The following FAM135B variants were observed in gnomAD, a reference collection of about 807,000 sequenced individuals.
FAM135B encodes protein FAM135B.
Under a neutral mutation model 127.7 loss-of-function variants are expected in FAM135B, and 43 were observed. The ratio of observed to expected loss-of-function variants is 0.34; its 90% CI spans 0.26 to 0.43. The LOEUF is 0.43. FAM135B is among the 20% of genes least tolerant of loss of function. The pLI is 1.00. For missense variants in FAM135B, 1,558 were observed against 1,725.6 expected (o/e 0.90, Z 1.72); for synonymous variants, 670 against 665.1 (o/e 1.01, Z -0.11).
intron 3 of FAM135B, among the ~76,000 whole-genome samples, chr8:138,266,873 A>G (rs1362883743): frequency 6.7e-6 from 1 of 149,992 alleles, no homozygotes; most frequent in Non-Finnish European, 1.5e-5. Context: ...GTATAAGGCA[A>G]TGATTACCTA....
At chr8:138,145,867 G>T in intron 15 of FAM135B, 92 bp downstream of exon 15, 2 of 718,438 alleles carry the variant, frequency 2.8e-6, no homozygotes, top group Non-Finnish European at 2.5e-6. Flanking sequence ...CCTCCTATCT[G>T]TGTGTGTCCA....
rs1320446938 is a variant in FAM135B at position 138,426,098 on chromosome 8, TTA to T, written c.-19-58098_-19-58097del. 4.1e-4 allele frequency among the ~76,000 whole-genome samples: 53 copies of T among 128,660 alleles called. 4 individuals carry two copies. The highest frequency in any genetic ancestry group is 3.7e-3 in the Middle Eastern group (1 of 268). The allele number at this position is 128,660 out of a possible 152,430, so 84.4% of individuals were successfully genotyped here. Reference sequence around the variant, plus strand: ...ATATATAAAATGTTTTATGTATGTTTTATATATATATATACACATATGTGTGT... The same window carrying T: ...ATATATAAAATGTTTTATGTATGTTTTATATATATATACACATATGTGTGT... On this transcript the variant is annotated intron_variant, in intron 1 of 19. Coordinates refer to ENST00000395297, the MANE Select transcript of FAM135B (RefSeq NM_015912.4).
intron 17 of FAM135B, among the ~76,000 whole-genome samples, chr8:138,139,312 C>T (rs936648188): frequency 6.6e-6 from 1 of 152,152 alleles, no homozygotes; most frequent in African/African-American, 2.4e-5. Context: ...AAAATGATGA[C>T]AGGACAACAG....
Position 138,287,939 on chromosome 8 carries a change from G to T in FAM135B, c.158-22097C>A, listed in dbSNP as rs552004391. ...TGGTTTCTTTAGGTCTTGGATTCCGGTAATAATCCATTATGTCTTTAGCCT... is the reference window on the plus strand; with the variant it reads ...TGGTTTCTTTAGGTCTTGGATTCCGTTAATAATCCATTATGTCTTTAGCCT... On this transcript the variant is annotated intron_variant, in intron 3 of 19. Transcript: ENST00000395297. 1.8e-4 allele frequency among the ~76,000 whole-genome samples: 28 copies of T among 152,318 alleles called. 1 individual carries two copies. Among genetic ancestry groups the T allele is most frequent in the Admixed American group, 1.3e-3 (20 of 15,292 alleles).
At chr8:138,429,903 T>C (rs190793146) in intron 1 of FAM135B, among the ~76,000 whole-genome samples, 34 of 152,268 alleles carry the variant, frequency 2.2e-4, no homozygotes, top group Non-Finnish European at 4.9e-4. Flanking sequence ...CCTGAGAAGA[T>C]AAATTCTAGG....
intron 1 of FAM135B, chr8:138,459,675 C>T (rs1837011508): frequency 1.3e-5 from 2 of 152,208 alleles, no homozygotes; most frequent in South Asian, 4.1e-4. Flanking sequence ...TGACTCAGAT[C>T]TGGACTGAGG....
chr8:138,308,482 A>G (rs562430985), intron 3 of FAM135B, among the ~76,000 whole-genome samples: 2 of 152,214 alleles, frequency 1.3e-5, no homozygotes, highest in African/African-American at 4.8e-5. Flanking sequence ...AATTCTGCAC[A>G]TCCCTCACCT....
intron 1 of FAM135B, among the ~76,000 whole-genome samples, chr8:138,451,925 A>C (rs1189819432): frequency 1.3e-5 from 2 of 152,182 alleles, no homozygotes; most frequent in Non-Finnish European, 2.9e-5. Context: ...TATTAGAAAA[A>C]TGATGGCTGA....
At chr8:138,200,120 T>A (rs1406144077) in intron 7 of FAM135B, among the ~76,000 whole-genome samples, 1 of 152,206 alleles carries the variant, frequency 6.6e-6, no homozygotes, top group Non-Finnish European at 1.5e-5. Context: ...GAAGAGACCC[T>A]CTGTAGAACT....
chr8:138,361,790 C>T lies in FAM135B; in HGVS notation c.77+6117G>A, dbSNP rs148768007. 5.3e-3 allele frequency among the ~76,000 whole-genome samples: 812 copies of T among 152,234 alleles called. 6 individuals are homozygous for T. The highest frequency in any genetic ancestry group is 7.5e-3 in the Non-Finnish European group (508 of 68,018). On this transcript the variant is annotated intron_variant, in intron 2 of 19. Transcript: ENST00000395297. ...GCATTCTGATATCCAGGTCCCTTGTCGGGCTGACCCACATCCATCCTTAAA... is the reference window on the plus strand; with the variant it reads ...GCATTCTGATATCCAGGTCCCTTGTTGGGCTGACCCACATCCATCCTTAAA...
At chr8:138,228,249 A>G (rs1413691143) in intron 7 of FAM135B, among the ~76,000 whole-genome samples, 1 of 145,200 alleles carries the variant, frequency 6.9e-6, no homozygotes, top group African/African-American at 2.5e-5. Context: ...TCATGGGGTA[A>G]TATTTTTTTT....
chr8:138,348,125 C>CT (rs1829534421), intron 2 of FAM135B, among the ~76,000 whole-genome samples: 1 of 69,068 alleles, frequency 1.4e-5, no homozygotes, highest in African/African-American at 5.9e-5. Context: ...CTTTTTCCTC[C>CT]TCTTTTTTTT....
At chr8:138,411,875 C>T (rs1302894379) in intron 1 of FAM135B, among the ~76,000 whole-genome samples, 3 of 152,188 alleles carry the variant, frequency 2.0e-5, no homozygotes, top group Non-Finnish European at 4.4e-5. Flanking sequence ...TCATGAAATA[C>T]TCTGCAGCCA....
At chr8:138,139,584 A>C (rs7828277) in intron 17 of FAM135B, among the ~76,000 whole-genome samples, 104,461 of 151,894 alleles carry the variant, frequency 0.69, 35,995 homozygotes, top group East Asian at 0.77. Flanking sequence ...ACCAGCCTGG[A>C]TAAAATGGTG....
chr8:138,322,475 C>A (rs904875470), intron 2 of FAM135B, among the ~76,000 whole-genome samples: 2 of 152,112 alleles, frequency 1.3e-5, no homozygotes, highest in African/African-American at 4.8e-5. Flanking sequence ...TTCTGAAAAG[C>A]CCGATTAAAT....
At chr8:138,229,433 A>G (rs1043257822) in intron 7 of FAM135B, among the ~76,000 whole-genome samples, 1 of 152,134 alleles carries the variant, frequency 6.6e-6, no homozygotes, top group African/African-American at 2.4e-5. Flanking sequence ...TGGTCCTTTC[A>G]TCTAGGGCGC....
At chr8:138,254,252 C>A (rs1214153459) in intron 5 of FAM135B, among the ~76,000 whole-genome samples, 7 of 152,144 alleles carry the variant, frequency 4.6e-5, no homozygotes, top group Non-Finnish European at 4.4e-5. Context: ...GTTTTACACA[C>A]TTTGAATAAA....
chr8:138,477,974 G>A (rs1814589857), intron 1 of FAM135B, among the ~76,000 whole-genome samples: 1 of 152,158 alleles, frequency 6.6e-6, no homozygotes, highest in South Asian at 2.1e-4. Flanking sequence ...GGAAGCCTGG[G>A]TTCTTGACGA....
chr8:138,227,723 T>C (rs1819574528), intron 7 of FAM135B, among the ~76,000 whole-genome samples: 2 of 145,728 alleles, frequency 1.4e-5, no homozygotes, highest in African/African-American at 2.6e-5. Flanking sequence ...TCTTTTTTTT[T>C]TTTTTTTTTT....
Sources: allele counts gnomAD v4.1 joint callset (sites outside exome capture counted in the v4.1 genomes callset), GRCh38; gene constraint gnomAD v4.1.1; transcripts MANE v1.5; gene names NCBI Gene and HGNC (gene_info 2026-07-23, HGNC 2026-07-21).